The following PTPN11 variants were observed in gnomAD, a reference collection of about 807,000 sequenced individuals.
PTPN11 encodes protein tyrosine phosphatase non-receptor type 11.
Under a neutral mutation model 78.8 loss-of-function variants are expected in PTPN11, and 6 were observed. The ratio of observed to expected loss-of-function variants is 0.08; its 90% CI spans 0.04 to 0.15. PTPN11 has a LOEUF of 0.15. Among genes scored for constraint, PTPN11 ranks in the 10% least tolerant of loss-of-function variants. PTPN11 has a pLI of 1.00. For synonymous variants in PTPN11, 221 were observed against 263.5 expected (o/e 0.84, Z 1.56); for missense variants, 386 against 744.8 (o/e 0.52, Z 5.61).
chr12:112,501,413 G>A (rs2038873221), intron 13 of PTPN11, among the ~76,000 whole-genome samples: 1 of 152,158 alleles, frequency 6.6e-6, no homozygotes, highest in Non-Finnish European at 1.5e-5. Flanking sequence ...TCTGAGCTCA[G>A]GAGTTCAAGA....
chr12:112,467,713 T>C (rs1358005945), intron 6 of PTPN11, among the ~76,000 whole-genome samples: 2 of 152,150 alleles, frequency 1.3e-5, no homozygotes, highest in African/African-American at 4.8e-5. Flanking sequence ...CAGGCTGGTC[T>C]CGGACTCCTG....
Position 112,452,434 on chromosome 12 carries a change from C to T in PTPN11, c.333-761C>T, listed in dbSNP as rs961337841. Among the ~76,000 whole-genome samples the T allele has an allele frequency of 6.6e-5, 10 of 152,174 alleles. 1 individual carries two copies. The highest frequency in any genetic ancestry group is 3.9e-4 in the Admixed American group (6 of 15,276). On this transcript the variant is annotated intron_variant, in intron 3 of 15. Transcript: ENST00000351677. ...AGAGACAGGGTTTCACCATGTTGGT[C>T]AGGCTGGTCTCGAATTCTTGACCTC...
intron 1 of PTPN11, among the ~76,000 whole-genome samples, chr12:112,431,103 C>T (rs1332194182): frequency 2.0e-5 from 3 of 152,202 alleles, no homozygotes; most frequent in African/African-American, 7.2e-5. Flanking sequence ...TTGACAGCCT[C>T]CTGTTGACAC....
rs2135862812 is a variant in PTPN11, at chr12:112,450,465, C to A, written c.285C>A (p.Val95=). 1 of 1,614,064 alleles carries A rather than the reference C, an allele frequency of 6.2e-7. No individual in the cohort carries two copies. Among genetic ancestry groups the A allele is most frequent in the Non-Finnish European group, 8.5e-7 (1 of 1,179,944 alleles). Residue 95 remains valine, a synonymous_variant, in exon 3 of 16, where the codon GTC becomes GTA. Coordinates refer to ENST00000351677, the MANE Select transcript of PTPN11 (RefSeq NM_002834.5). The part of the protein sequence containing the change: ...HGQLKEKNGD[V]IELKYPLNCA... ...AATTAAAAGAGAAGAATGGAGATGT[C>A]ATTGAGCTTAAATATCCTCTGAACT...
intron 6 of PTPN11, among the ~76,000 whole-genome samples, chr12:112,469,869 T>G (rs2038386839): frequency 6.6e-6 from 1 of 152,128 alleles, no homozygotes; most frequent in Non-Finnish European, 1.5e-5. Flanking sequence ...GGAGTTCAGT[T>G]TAAAGAAACA....
intron 13 of PTPN11, among the ~76,000 whole-genome samples, chr12:112,499,036 T>C (rs1194203210): frequency 2.0e-5 from 3 of 152,170 alleles, no homozygotes; most frequent in Admixed American, 6.5e-5. Flanking sequence ...AAGGAAGTAT[T>C]GAGTAGGGAG....
At chr12:112,471,487 A>C (rs1219258677) in intron 6 of PTPN11, among the ~76,000 whole-genome samples, 3 of 149,674 alleles carry the variant, frequency 2.0e-5, no homozygotes, top group Admixed American at 6.7e-5. Context: ...AGAGAGAGAG[A>C]GAGACCCTGT....
chr12:112,493,612 C>T (rs546700814), intron 13 of PTPN11, among the ~76,000 whole-genome samples: 6 of 152,074 alleles, frequency 3.9e-5, no homozygotes, highest in African/African-American at 7.2e-5. Context: ...TGGCCTCAAA[C>T]TCCTGACCTC....
At position 112,506,353 on chromosome 12, in the gene PTPN11, G is replaced by A. The variant is rs2038935173; in HGVS notation, c.*561G>A. ...GAGAATTAAGCCAGTGCCTGAGACT[G>A]TCAGAAGTTGACCTTTGCACTGGCA... On this transcript the variant is annotated 3_prime_UTR_variant, in exon 16 of 16. Coordinates refer to ENST00000351677, the MANE Select transcript of PTPN11 (RefSeq NM_002834.5). 1 of 151,470 alleles carries A rather than the reference G, an allele frequency of 6.6e-6. No individual in the cohort carries two copies. The highest frequency in any genetic ancestry group is 1.9e-4 in the East Asian group (1 of 5,188). 9.4% of individuals were successfully genotyped at this position (151,470 alleles called of 1,614,324 possible).
intron 9 of PTPN11, among the ~76,000 whole-genome samples, chr12:112,478,406 C>T (rs1010148969): frequency 4.6e-5 from 7 of 150,860 alleles, no homozygotes; most frequent in African/African-American, 1.7e-4. Context: ...GACCCCATCT[C>T]TTAAAAAAAA....
intron 13 of PTPN11, among the ~76,000 whole-genome samples, chr12:112,493,024 CA>C (rs2038770633): frequency 6.6e-6 from 1 of 150,684 alleles, no homozygotes; most frequent in African/African-American, 2.4e-5. Flanking sequence ...AAATGATTAT[CA>C]AAATTGAGTT....
chr12:112,444,176 G>A (rs1443589902), intron 1 of PTPN11, among the ~76,000 whole-genome samples: 1 of 152,128 alleles, frequency 6.6e-6, no homozygotes, highest in Admixed American at 6.6e-5. Context: ...TAGAATGTTT[G>A]TCTATTCATC....
intron 2 of PTPN11, among the ~76,000 whole-genome samples, chr12:112,448,678 A>G (rs1286167774): frequency 1.3e-5 from 2 of 152,092 alleles, no homozygotes; most frequent in East Asian, 3.8e-4. Context: ...GCTGGATCGC[A>G]TTCTATCATG....
At chr12:112,493,980 C>T (rs991735402) in intron 13 of PTPN11, among the ~76,000 whole-genome samples, 7 of 152,122 alleles carry the variant, frequency 4.6e-5, no homozygotes, top group South Asian at 2.1e-4. Flanking sequence ...ATGCTGGACA[C>T]GGTGGCTCAT....
chr12:112,450,217 T>C, intron 2 of PTPN11, 101 bp from the exon 3 acceptor site: 2 of 1,142,678 alleles, frequency 1.8e-6, no homozygotes, highest in Non-Finnish European at 2.6e-6. Context: ...TTGGGTTTCT[T>C]TCAACACTTA....
At chr12:112,441,105 C>T (rs1566161652) in intron 1 of PTPN11, among the ~76,000 whole-genome samples, 1 of 151,630 alleles carries the variant, frequency 6.6e-6, no homozygotes, top group Non-Finnish European at 1.5e-5. Context: ...ACTGGGATTA[C>T]AGGCATGCGC....
At chr12:112,472,913 CG>C in intron 6 of PTPN11, 30 bp from the exon 7 acceptor site, 1 of 1,508,572 alleles carries the variant, frequency 6.6e-7, no homozygotes, top group Non-Finnish European at 9.2e-7. Context: ...CTCTTTGACA[CG>C]TAATAATATT....
At chr12:112,492,439 A>C (rs1262243765) in intron 13 of PTPN11, among the ~76,000 whole-genome samples, 1 of 151,962 alleles carries the variant, frequency 6.6e-6, no homozygotes, top group Non-Finnish European at 1.5e-5. Flanking sequence ...TCTCTTGTCC[A>C]TAAAGTTATT....
intron 1 of PTPN11, among the ~76,000 whole-genome samples, chr12:112,428,522 A>G (rs1207918606): frequency 6.7e-6 from 1 of 149,760 alleles, no homozygotes; most frequent in Non-Finnish European, 1.5e-5. Flanking sequence ...CTAAGTTCTC[A>G]GGGTCGAATG....
Sources: allele counts gnomAD v4.1 joint callset (sites outside exome capture counted in the v4.1 genomes callset), GRCh38; gene constraint gnomAD v4.1.1; transcripts MANE v1.5; gene names NCBI Gene and HGNC (gene_info 2026-07-23, HGNC 2026-07-21).